ODC1: variants seen among roughly 807,000 people sequenced by gnomAD.
ODC1 encodes ornithine decarboxylase 1.
ODC1 carries 18 observed loss-of-function variants against 41.5 expected under a neutral mutation model. The ratio of observed to expected loss-of-function variants is 0.43; its 90% CI spans 0.30 to 0.64. ODC1 has a LOEUF of 0.64. Among genes scored for constraint, ODC1 ranks in the 30% least tolerant of loss-of-function variants. The pLI, the probability that ODC1 is intolerant of heterozygous loss-of-function variation, is 0.11. For synonymous variants in ODC1, 218 were observed against 211.6 expected, an observed-to-expected ratio of 1.03 and a Z score of -0.26; for missense variants, 504 against 589.0, an observed-to-expected ratio of 0.86 and a Z score of 1.49.
chr2:10,444,351 C>G (rs1018037220), intron 4 of ODC1, 84 bp from the exon 5 acceptor site: 5 of 1,489,196 alleles, frequency 3.4e-6, no homozygotes, highest in Non-Finnish European at 4.5e-6. Flanking sequence ...TTGTCATGTA[C>G]CCCCCCGCCC....
rs770245966 is a variant in ODC1, at chr2:10,444,568, C to T, written c.182G>A (p.Arg61His). Residue 61 changes from arginine to histidine, a missense_variant, in exon 4 of 12, where the codon CGT becomes CAT. This residue lies in a region of ODC1 where 447 missense variants were observed against 524.4 expected (regional missense o/e 0.85). Transcript: ENST00000234111. ...KHLRWLKALP[R>H]VTPFYAVKCN... ...TTTGACTGCATAAAAGGGGGTGACACGAGGGAGAGCTTTTAACCACCTCAG... is the reference window on the plus strand; with the variant it reads ...TTTGACTGCATAAAAGGGGGTGACATGAGGGAGAGCTTTTAACCACCTCAG... 1.4e-5 allele frequency: 22 copies of T among 1,614,038 alleles called. No homozygotes were observed. The highest frequency in any genetic ancestry group is 2.2e-5 in the South Asian group (2 of 91,074).
Position 10,442,022 on chromosome 2 carries a change from C to T in ODC1, c.903G>A (p.Thr301=), listed in dbSNP as rs142575004. Residue 301 remains threonine, a synonymous_variant, in exon 9 of 12, where the codon ACG becomes ACA. Coordinates refer to ENST00000234111, the MANE Select transcript of ODC1 (RefSeq NM_002539.3). ...IAKKIVLKEQ[T]GSDDEDESSE... ...GTCCTTTATACATACCATCAGAGCC[C>T]GTCTGTTCCTTTAATACAATTTTCT... 88 of 1,613,466 alleles carry T rather than the reference C, an allele frequency of 5.5e-5. No homozygotes were observed. The highest frequency in any genetic ancestry group is 6.7e-5 in the Non-Finnish European group (79 of 1,179,660).
intron 1 of ODC1, among the ~76,000 whole-genome samples, chr2:10,447,286 AG>A (rs536929574): frequency 4.9e-4 from 74 of 152,386 alleles, no homozygotes; most frequent in African/African-American, 1.8e-3. Context: ...TAGAAGAGAT[AG>A]GGGCTAATTC....
Position 10,443,210 on chromosome 2 carries a change from A to G in ODC1, c.750+20T>C. 1 of 1,573,972 alleles carries G rather than the reference A, an allele frequency of 6.4e-7. No homozygotes were observed. Among genetic ancestry groups the G allele is most frequent in the Non-Finnish European group, 8.7e-7 (1 of 1,150,852 alleles). ...TTTATTAGAACGGCTACTGAGTATT[A>G]CAGTTTTGTTCTAAATTACCTCTTC... On this transcript the variant is annotated intron_variant, in intron 8 of 11. Coordinates refer to ENST00000234111, the MANE Select transcript of ODC1 (RefSeq NM_002539.3).
rs758855902 is a variant in ODC1 at position 10,442,099 on chromosome 2, C to T, written c.826G>A (p.Gly276Ser). 5.0e-6 allele frequency: 8 copies of T among 1,614,072 alleles called. No individual in the cohort carries two copies. Among genetic ancestry groups the T allele is most frequent in the South Asian group, 1.1e-5 (1 of 91,066 alleles). The change falls in exon 9 of 12, where the codon GGC becomes AGC. Residue 276 changes from glycine to serine, a missense_variant. Gly to Ser is a moderately conservative substitution (Grantham distance 56, BLOSUM62 0). Transcript: ENST00000234111. The part of the protein sequence containing the change: ...DSGVRIIAEP[G>S]RYYVASAFTL... Reference sequence around the variant, plus strand: ...AAAGCTGATGCAACATAGTATCTGCCGGGCTCAGCTATGATTCTCACTCCA... The same window carrying T: ...AAAGCTGATGCAACATAGTATCTGCTGGGCTCAGCTATGATTCTCACTCCA...
intron 7 of ODC1, 86 bp from the exon 8 acceptor site, chr2:10,443,399 A>AAC (rs1671897413): frequency 1.3e-6 from 2 of 1,553,974 alleles, no homozygotes; most frequent in Admixed American, 3.4e-5. Flanking sequence ...TGTAATACAG[A>AAC]ACCAACTGCC....
At chr2:10,446,452 T>G (rs1672017508) in intron 1 of ODC1, among the ~76,000 whole-genome samples, 2 of 152,344 alleles carry the variant, frequency 1.3e-5, no homozygotes, top group Admixed American at 1.3e-4. Flanking sequence ...AACTCAGTAT[T>G]CTTAAACCAG....
chr2:10,441,097 C>T (rs1293078003), intron 11 of ODC1, among the ~76,000 whole-genome samples: 1 of 152,124 alleles, frequency 6.6e-6, no homozygotes, highest in Non-Finnish European at 1.5e-5. Flanking sequence ...GGACTACAGG[C>T]GCCCACTACC....
At chr2:10,446,690 GC>G in intron 1 of ODC1, 1 of 404,280 alleles carries the variant, frequency 2.5e-6, no homozygotes, top group South Asian at 1.8e-5. Flanking sequence ...AAAAATTTCT[GC>G]CAGGTAGAGC....
At chr2:10,443,614 C>T in intron 6 of ODC1, 43 bp from the exon 7 acceptor site, 3 of 1,606,162 alleles carry the variant, frequency 1.9e-6, no homozygotes, top group Non-Finnish European at 2.6e-6. Flanking sequence ...CTTAGTATTT[C>T]TTAAAATAAT....
At chr2:10,445,074 GA>G in intron 2 of ODC1, 25 bp from the exon 3 acceptor site, 1 of 1,266,896 alleles carries the variant, frequency 7.9e-7, no homozygotes, top group South Asian at 1.2e-5. Context: ...AATGCAAATA[GA>G]GTGGAGAAAT....
Position 10,441,660 on chromosome 2 carries a change from C to T in ODC1, c.1090G>A (p.Asp364Asn), listed in dbSNP as rs1431038346. The change falls in exon 11 of 12, where the codon GAT becomes AAT. Residue 364 changes from aspartate to asparagine, a missense_variant. By Grantham distance (23) the Asp-to-Asn change is conservative. Coordinates refer to ENST00000234111, the MANE Select transcript of ODC1 (RefSeq NM_002539.3). ...AGGTCACAGCGCTCAACAATCCGATCGAGGCCATCACATGTTGGTCCCCAT... is the reference window on the plus strand; with the variant it reads ...AGGTCACAGCGCTCAACAATCCGATTGAGGCCATCACATGTTGGTCCCCAT... ...SIWGPTCDGL[D>N]RIVERCDLPE... The T allele has an allele frequency of 1.9e-6, 3 of 1,614,074 alleles. No individual in the cohort carries two copies. In the African/African-American group the frequency reaches 4.0e-5, roughly 22 times the overall value.
rs1401484753 is a variant in ODC1, at chr2:10,445,235, T to C, written c.-98A>G. On this transcript the variant is annotated 5_prime_UTR_variant, in exon 2 of 12. Coordinates refer to ENST00000234111, the MANE Select transcript of ODC1 (RefSeq NM_002539.3). ...ACTCTCCAGGAATTCCAAATCCCTCTGCGTGTGCCCTTGGAACAGCAGTGA... is the reference window on the plus strand; with the variant it reads ...ACTCTCCAGGAATTCCAAATCCCTCCGCGTGTGCCCTTGGAACAGCAGTGA... 1 of 507,446 alleles carries C rather than the reference T, an allele frequency of 2.0e-6. No homozygotes were observed. The highest frequency in any genetic ancestry group is 3.6e-6 in the Non-Finnish European group (1 of 280,756). 31.4% of individuals were successfully genotyped at this position (507,446 alleles called of 1,614,324 possible). A position where few individuals can be genotyped will look rare whatever the true frequency, so the allele number is the denominator to read the frequency against.
intron 8 of ODC1, 67 bp from the exon 9 acceptor site, chr2:10,442,241 T>A: frequency 6.8e-7 from 1 of 1,479,296 alleles, no homozygotes; most frequent in Non-Finnish European, 9.1e-7. Flanking sequence ...GGGAGTAACA[T>A]CACAGGGCCT....
rs1572142472 is a variant in ODC1 at position 10,441,858 on chromosome 2, T to C, written c.985A>G (p.Ile329Val). Residue 329 changes from isoleucine to valine, a missense_variant, in exon 10 of 12, where the codon ATA becomes GTA. Ile to Val is a conservative substitution (Grantham distance 29, BLOSUM62 3). Transcript: ENST00000234111. ...TTTACATGTGCGTGGTCATAGAGTA[T>C]GCAATTAAATGATCCATAGACGCCA... Reference protein sequence around the residue: ...NDGVYGSFNCILYDHAHVKPL... With the variant: ...NDGVYGSFNCVLYDHAHVKPL... The C allele has an allele frequency of 1.9e-6, 3 of 1,614,194 alleles. No individual in the cohort carries two copies. Among genetic ancestry groups the C allele is most frequent in the Non-Finnish European group, 2.5e-6 (3 of 1,180,032 alleles).
At chr2:10,445,114 T>C (rs1671967843) in intron 2 of ODC1, 41 bp downstream of exon 2, 3 of 827,976 alleles carry the variant, frequency 3.6e-6, no homozygotes, top group Admixed American at 3.8e-5. Flanking sequence ...AATACAATTC[T>C]TAAGATTAAC....
chr2:10,448,087 C>G (rs1336033372), intron 1 of ODC1, 34 bp downstream of exon 1: 1 of 162,728 alleles, frequency 6.1e-6, no homozygotes, highest in Non-Finnish European at 1.3e-5. Flanking sequence ...CGCCCTCGCT[C>G]CCTCCCTTCC....
intron 1 of ODC1, chr2:10,446,989 T>G (rs1393275004): frequency 1.3e-5 from 2 of 156,792 alleles, no homozygotes; most frequent in African/African-American, 4.8e-5. Context: ...GGTTATATAT[T>G]TTTGTTTATA....
intron 8 of ODC1, 70 bp downstream of exon 8, chr2:10,443,160 A>G: frequency 8.0e-7 from 1 of 1,254,898 alleles, no homozygotes; most frequent in Non-Finnish European, 1.2e-6. Context: ...AAGACACTTA[A>G]ATTTTGAAAT....
Sources: allele counts gnomAD v4.1 joint callset (sites outside exome capture counted in the v4.1 genomes callset), GRCh38; gene constraint gnomAD v4.1.1; regional missense constraint gnomAD v4.1.1; transcripts MANE v1.5; gene names NCBI Gene and HGNC (gene_info 2026-07-23, HGNC 2026-07-21).